OLFM4: variants seen among roughly 807,000 people sequenced by gnomAD.
OLFM4 encodes the protein olfactomedin-4.
In OLFM4, 22 loss-of-function variants were observed where a neutral mutation model predicts 25.5. The ratio of observed to expected loss-of-function variants is 0.86; its 90% CI spans 0.62 to 1.23. The LOEUF (loss-of-function observed/expected upper bound fraction) is 1.23. Ranked by LOEUF, OLFM4 falls within the 50% of genes most tolerant of loss-of-function variation. The probability of loss-of-function intolerance (pLI) is 0.00; values close to 1 mark genes in which losing one functional copy is unlikely to be tolerated. For synonymous variants in OLFM4, 255 were observed against 237.7 expected, an observed-to-expected ratio of 1.07 and a Z score of -0.67; for missense variants, 594 against 619.4, an observed-to-expected ratio of 0.96 and a Z score of 0.44.
intron 4 of OLFM4, among the ~76,000 whole-genome samples, chr13:53,049,052 A>G (rs1954730406): frequency 6.6e-6 from 1 of 152,228 alleles, no homozygotes; most frequent in Non-Finnish European, 1.5e-5. Context: ...CCCAAGTGTT[A>G]CAGGGAATGT....
At chr13:53,034,057 A>C (rs1465584193) in intron 1 of OLFM4, among the ~76,000 whole-genome samples, 3 of 93,320 alleles carry the variant, frequency 3.2e-5, no homozygotes, top group Admixed American at 9.9e-5. Flanking sequence ...ACTCCGTCTC[A>C]AAAAAAAAAA....
Position 53,042,147 on chromosome 13 carries a change from T to C in OLFM4, c.570+25T>C, listed in dbSNP as rs1428326994. The C allele has an allele frequency of 1.9e-6, 3 of 1,593,490 alleles. No homozygotes were observed. In the South Asian group the frequency reaches 3.3e-5, roughly 18 times the overall value. On this transcript the variant is annotated intron_variant, in intron 3 of 4. Transcript: ENST00000219022. ...GGTAAGGAGTGAACTCACTTCTTGGTAAATTAATAATAAACTCCCTTCAGT... is the reference window on the plus strand; with the variant it reads ...GGTAAGGAGTGAACTCACTTCTTGGCAAATTAATAATAAACTCCCTTCAGT...
intron 4 of OLFM4, among the ~76,000 whole-genome samples, chr13:53,048,492 A>C (rs75501645): frequency 6.6e-6 from 1 of 152,182 alleles, no homozygotes; most frequent in Non-Finnish European, 1.5e-5. Flanking sequence ...AAAAATAAAA[A>C]CAGAATTTCT....
In OLFM4 at chr13:53,028,835, A is replaced by G. The variant is rs2298229; in HGVS notation, c.-2A>G. ...GCCAGCGGCTCCAGCTAAGAGGACA[A>G]GATGAGGCCCGGCCTCTCATTTCTC... On this transcript the variant is annotated 5_prime_UTR_variant, in exon 1 of 5. Coordinates refer to ENST00000219022, the MANE Select transcript of OLFM4 (RefSeq NM_006418.5). The G allele has an allele frequency of 0.22, 356,860 of 1,613,838 alleles. 40,560 individuals are homozygous for G. Among genetic ancestry groups the G allele is most frequent in the Non-Finnish European group, 0.23 (275,448 of 1,179,814 alleles).
In OLFM4 at chr13:53,050,700, C is replaced by A. The variant is rs767153443; in HGVS notation, c.1462C>A (p.Gln488Lys). The change falls in exon 5 of 5, where the codon CAG (glutamine) becomes AAG (lysine). Residue 488 changes from glutamine (Q) to lysine (K), a missense_variant. Transcript: ENST00000219022. Reference protein sequence around the residue: ...VQSINYNPFDQKLYVYNDGYL... With the variant: ...VQSINYNPFDKKLYVYNDGYL... ...GAGCATTAACTATAACCCTTTTGAC[C>A]AGAAACTTTATGTCTATAACGATGG... The A allele has an allele frequency of 3.1e-6, 5 of 1,613,436 alleles. No individual in the cohort carries two copies. The highest frequency in any genetic ancestry group is 4.2e-6 in the Non-Finnish European group (5 of 1,179,762).
rs1304781941 is a variant in OLFM4 at position 53,028,967 on chromosome 13, C to T, written c.131C>T (p.Ser44Phe). The change falls in exon 1 of 5, where the codon TCC (serine) becomes TTC (phenylalanine). Residue 44 changes from serine (S) to phenylalanine (F), a missense_variant. Physicochemically the swap from Ser to Phe is radical, Grantham distance 155. Transcript: ENST00000219022. ...TCTTTCCCAGGTGTTGACTCCAGCT[C>T]CAGCTTCAGCTCCAGCTCCAGGTCG... The part of the protein sequence containing the change: ...FSSFPGVDSS[S>F]SFSSSSRSGS... The T allele has an allele frequency of 1.4e-5, 23 of 1,613,778 alleles. No individual in the cohort carries two copies. In the East Asian group the frequency reaches 4.0e-4, roughly 28 times the overall value.
intron 2 of OLFM4, among the ~76,000 whole-genome samples, chr13:53,037,894 G>A (rs998840056): frequency 3.3e-5 from 5 of 152,182 alleles, no homozygotes; most frequent in African/African-American, 1.2e-4. Context: ...TAGCTTGCTA[G>A]CACTACACCC....
chr13:53,037,873 G>C (rs1954666702), intron 2 of OLFM4, among the ~76,000 whole-genome samples: 1 of 152,200 alleles, frequency 6.6e-6, no homozygotes, highest in East Asian at 1.9e-4. Context: ...ACATGAACCA[G>C]ATTAATTCTT....
chr13:53,034,132 T>A (rs1954644668), intron 1 of OLFM4, among the ~76,000 whole-genome samples: 1 of 150,058 alleles, frequency 6.7e-6, no homozygotes. Flanking sequence ...GGCGTAGTGG[T>A]TTTCGTACAA....
chr13:53,031,898 C>T (rs1593476899), intron 1 of OLFM4, among the ~76,000 whole-genome samples: 1 of 152,210 alleles, frequency 6.6e-6, no homozygotes, highest in East Asian at 1.9e-4. Flanking sequence ...TGTCTCCCAT[C>T]CCCCATGCTT....
intron 4 of OLFM4, among the ~76,000 whole-genome samples, chr13:53,044,591 A>T (rs1954705804): frequency 6.6e-6 from 1 of 152,084 alleles, no homozygotes; most frequent in African/African-American, 2.4e-5. Context: ...TCCTACTATG[A>T]CAGGTGTCAT....
At chr13:53,029,703 T>G (rs1954618682) in intron 1 of OLFM4, among the ~76,000 whole-genome samples, 2 of 152,216 alleles carry the variant, frequency 1.3e-5, no homozygotes, top group Admixed American at 1.3e-4. Context: ...CTTTGCAGTC[T>G]TCTTTACAGG....
intron 4 of OLFM4, among the ~76,000 whole-genome samples, chr13:53,047,649 TC>T (rs1341935402): frequency 6.6e-6 from 1 of 152,182 alleles, no homozygotes; most frequent in Non-Finnish European, 1.5e-5. Flanking sequence ...ATTTGAATTT[TC>T]TGGTCAACTT....
At chr13:53,043,630 T>G (rs948495263) in intron 4 of OLFM4, among the ~76,000 whole-genome samples, 5 of 152,206 alleles carry the variant, frequency 3.3e-5, no homozygotes, top group African/African-American at 1.2e-4. Context: ...GCATCCACTT[T>G]CCTGTGGAGT....
At chr13:53,040,149 T>TTTTTTTAA (rs1290051549) in intron 2 of OLFM4, among the ~76,000 whole-genome samples, 1 of 152,204 alleles carries the variant, frequency 6.6e-6, no homozygotes, top group African/African-American at 2.4e-5. Flanking sequence ...AAAAAAGCCA[T>TTTTTTTAA]GGCATTTTCT....
intron 1 of OLFM4, among the ~76,000 whole-genome samples, chr13:53,032,866 G>A (rs1954636504): frequency 6.6e-6 from 1 of 152,142 alleles, no homozygotes; most frequent in Admixed American, 6.5e-5. Flanking sequence ...GCATTATGGA[G>A]GTTGGTGGCC....
At chr13:53,034,262 T>G (rs1954645314) in intron 1 of OLFM4, 86 bp from the exon 2 acceptor site, 1 of 1,382,712 alleles carries the variant, frequency 7.2e-7, no homozygotes, top group Non-Finnish European at 1.0e-6. Flanking sequence ...CTGTAAGTAC[T>G]CTCGACAAGC....
intron 2 of OLFM4, among the ~76,000 whole-genome samples, chr13:53,039,569 A>C (rs1217063648): frequency 6.6e-6 from 1 of 152,250 alleles, no homozygotes; most frequent in African/African-American, 2.4e-5. Context: ...AGGTATTATA[A>C]GTAATCTAGA....
In OLFM4 at chr13:53,051,652, TATTTACATGACTCTAAGACTATAAGAAA is replaced by T. The variant is rs1445109978; in HGVS notation, c.*884_*911del. 6.6e-6 allele frequency: 1 copy of T among 152,200 alleles called. No homozygotes were observed. The highest frequency in any genetic ancestry group is 1.5e-5 in the Non-Finnish European group (1 of 68,032). The allele number at this position is 152,200 out of a possible 1,614,324, so 9.4% of individuals were successfully genotyped here. A position where few individuals can be genotyped will look rare whatever the true frequency, so the allele number is the denominator to read the frequency against. On this transcript the variant is annotated 3_prime_UTR_variant, in exon 5 of 5. Transcript: ENST00000219022. Reference sequence around the variant, plus strand: ...TTTCTTTAATTTCATTATGAACTTTTATTTACATGACTCTAAGACTATAAGAAAATCTGATGGCAGTGACAAAGTGCTA... The same window carrying T: ...TTTCTTTAATTTCATTATGAACTTTTATCTGATGGCAGTGACAAAGTGCTA...
Sources: allele counts gnomAD v4.1 joint callset (sites outside exome capture counted in the v4.1 genomes callset), GRCh38; gene constraint gnomAD v4.1.1; transcripts MANE v1.5; gene names NCBI Gene and HGNC (gene_info 2026-07-23, HGNC 2026-07-21).